Variants in SLC4A4 observed in about 807,000 individuals in gnomAD.
SLC4A4 encodes the protein solute carrier family 4 member 4.
In SLC4A4, 27 loss-of-function variants were observed where a neutral mutation model predicts 111.5. The ratio of observed to expected loss-of-function variants is 0.24; its 90% CI spans 0.18 to 0.33. The LOEUF (loss-of-function observed/expected upper bound fraction) is 0.33. Ranked by LOEUF, SLC4A4 falls within the 10% of genes least tolerant of loss-of-function variation. SLC4A4 has a pLI of 1.00. For synonymous variants in SLC4A4, 443 were observed against 463.4 expected (o/e 0.96, Z 0.57); for missense variants, 909 against 1,315.5 (o/e 0.69, Z 4.78).
At chr4:71,064,608 A>G (rs967119421) in intron 1 of SLC4A4, among the ~76,000 whole-genome samples, 5 of 152,260 alleles carry the variant, frequency 3.3e-5, no homozygotes, top group African/African-American at 4.8e-5. Flanking sequence ...AAGGAAGGCC[A>G]TCGCAGGAGT....
At chr4:71,238,441 A>G (rs780189764) in intron 2 of SLC4A4, among the ~76,000 whole-genome samples, 11 of 152,226 alleles carry the variant, frequency 7.2e-5, no homozygotes, top group Admixed American at 4.6e-4. Context: ...CAGAAACACA[A>G]CCAAAGGTGG....
rs573589291 is a variant in SLC4A4 at position 71,217,019 on chromosome 4, A to C, written c.-1-19557A>C. Among the ~76,000 whole-genome samples, 6 of 152,320 alleles carry C rather than the reference A, an allele frequency of 3.9e-5. No individual in the cohort carries two copies. In the East Asian group the frequency reaches 1.2e-3, roughly 29 times the overall value. On this transcript the variant is annotated intron_variant, in intron 1 of 25. Coordinates refer to ENST00000264485, the MANE Select transcript of SLC4A4 (RefSeq NM_001098484.3). ...TTAGAGAGTTGGTAACTTGAATTAC[A>C]TTCACTTTATAAAAATTCTTTACTA...
chr4:71,180,928 C>T (rs372769042), intron 2 of SLC4A4, among the ~76,000 whole-genome samples: 17 of 152,066 alleles, frequency 1.1e-4, no homozygotes, highest in South Asian at 2.1e-4. Flanking sequence ...ATGTTTACTG[C>T]GGCACTATTC....
intron 14 of SLC4A4, among the ~76,000 whole-genome samples, chr4:71,480,185 C>A (rs1728748010): frequency 6.6e-6 from 1 of 151,460 alleles, no homozygotes; most frequent in East Asian, 2.0e-4. Flanking sequence ...CCATGCCCAG[C>A]TTAAATATAT....
chr4:71,390,692 G>T (rs977217049), intron 6 of SLC4A4, among the ~76,000 whole-genome samples: 1 of 152,080 alleles, frequency 6.6e-6, no homozygotes, highest in Non-Finnish European at 1.5e-5. Flanking sequence ...CATGAAAATA[G>T]AATATATTCT....
chr4:71,292,783 T>G (rs930961214), intron 3 of SLC4A4, among the ~76,000 whole-genome samples: 1 of 151,336 alleles, frequency 6.6e-6, no homozygotes, highest in Non-Finnish European at 1.5e-5. Context: ...AGAACAAATG[T>G]AAATCATCGA....
chr4:71,370,940 G>T (rs1731815806), intron 6 of SLC4A4, among the ~76,000 whole-genome samples: 1 of 152,144 alleles, frequency 6.6e-6, no homozygotes, highest in Admixed American at 6.5e-5. Flanking sequence ...AATGAGGGAG[G>T]ATTCTTCTCA....
chr4:71,562,085 AATCCT>A (rs1560624217), intron 23 of SLC4A4, among the ~76,000 whole-genome samples: 1 of 151,824 alleles, frequency 6.6e-6, no homozygotes, highest in East Asian at 1.9e-4. Context: ...ATTTCCAACA[AATCCT>A]ATTTCATTTA....
In SLC4A4 at chr4:71,109,615, T is replaced by A. The variant is rs978821299; in HGVS notation, c.-2+16823T>A. Reference sequence around the variant, plus strand: ...CAGAGTACGGTGGCACCATCTCAGCTCACTGCAACCTATGCCTCTTGGATT... The same window carrying A: ...CAGAGTACGGTGGCACCATCTCAGCACACTGCAACCTATGCCTCTTGGATT... On this transcript the variant is annotated intron_variant, in intron 2 of 26. Transcript: ENST00000649996. Among the ~76,000 whole-genome samples, 4 of 152,034 alleles carry A rather than the reference T, an allele frequency of 2.6e-5. No homozygotes were observed. In the East Asian group the frequency reaches 7.8e-4, roughly 30 times the overall value.
At chr4:71,466,979 G>GAGAGAGAGAGAGAGAGA (rs1363275518) in intron 13 of SLC4A4, among the ~76,000 whole-genome samples, 41 of 145,918 alleles carry the variant, frequency 2.8e-4, no homozygotes, top group East Asian at 1.9e-3. Context: ...GAGAGAGAGA[G>GAGAGAGAGAGAGAGAGA]GTCTGAGTAT....
At chr4:71,392,271 G>A (rs766130334) in intron 6 of SLC4A4, among the ~76,000 whole-genome samples, 34 of 152,076 alleles carry the variant, frequency 2.2e-4, no homozygotes, top group South Asian at 8.3e-4. Context: ...GGATTCAGAG[G>A]AAAAGCCAGA....
At chr4:71,513,654 C>A (rs1418676977) in intron 16 of SLC4A4, among the ~76,000 whole-genome samples, 1 of 152,096 alleles carries the variant, frequency 6.6e-6, no homozygotes, top group Non-Finnish European at 1.5e-5. Flanking sequence ...GTTAGGACTT[C>A]CAGACTGTGT....
intron 6 of SLC4A4, among the ~76,000 whole-genome samples, chr4:71,393,405 C>T (rs1719496569): frequency 6.6e-6 from 1 of 152,036 alleles, no homozygotes. Flanking sequence ...AGAATGCATC[C>T]CCTTTTACAA....
chr4:71,203,648 T>C (rs1460993989), intron 1 of SLC4A4, among the ~76,000 whole-genome samples: 1 of 152,178 alleles, frequency 6.6e-6, no homozygotes, highest in Non-Finnish European at 1.5e-5. Flanking sequence ...CCTAAGTTTT[T>C]TAAATGAATA....
At chr4:71,409,617 G>A (rs1283818612) in intron 7 of SLC4A4, among the ~76,000 whole-genome samples, 1 of 152,176 alleles carries the variant, frequency 6.6e-6, no homozygotes, top group Non-Finnish European at 1.5e-5. Flanking sequence ...GAGCATAAAA[G>A]TTCCGAAAAT....
chr4:71,216,002 G>C (rs1451588393), intron 1 of SLC4A4, among the ~76,000 whole-genome samples: 1 of 139,484 alleles, frequency 7.2e-6, no homozygotes. Flanking sequence ...CCCCCACCCC[G>C]GATTCAAGCA....
intron 3 of SLC4A4, among the ~76,000 whole-genome samples, chr4:71,296,445 G>A (rs1724796826): frequency 1.3e-5 from 2 of 152,118 alleles, no homozygotes; most frequent in African/African-American, 2.4e-5. Context: ...ATGGCTGGCA[G>A]CATTTCTATA....
At chr4:71,082,743 A>T (rs1050245652) in intron 1 of SLC4A4, among the ~76,000 whole-genome samples, 1 of 152,018 alleles carries the variant, frequency 6.6e-6, no homozygotes, top group Non-Finnish European at 1.5e-5. Context: ...CAGTGTGTGT[A>T]TGTAACTCCC....
At chr4:71,241,893 C>G (rs1044074821) in intron 2 of SLC4A4, among the ~76,000 whole-genome samples, 10 of 152,214 alleles carry the variant, frequency 6.6e-5, no homozygotes, top group African/African-American at 2.4e-4. Context: ...GCTTCCTGCT[C>G]CTTTCTCCTC....
Sources: gnomAD v4.1 joint callset for allele counts (sites outside exome capture counted in the v4.1 genomes callset) on GRCh38, gnomAD v4.1.1 for gene constraint, MANE v1.5 for transcripts, NCBI Gene and HGNC (gene_info 2026-07-23, HGNC 2026-07-21) for gene names.